USP50: variants seen among roughly 807,000 people sequenced by gnomAD.
USP50 encodes ubiquitin carboxyl-terminal hydrolase 50.
A neutral mutation model predicts 39.2 loss-of-function variants in USP50; 37 were observed. The observed-to-expected ratio is 0.94, with a 90% confidence interval of 0.73 to 1.24. USP50 has a LOEUF of 1.24. Ranked by LOEUF, USP50 falls within the 50% of genes most tolerant of loss-of-function variation. The probability of loss-of-function intolerance (pLI) is 0.00; values close to 1 mark genes in which losing one functional copy is unlikely to be tolerated. For synonymous variants in USP50, 139 were observed against 144.5 expected, an observed-to-expected ratio of 0.96 and a Z score of 0.27; for missense variants, 374 against 398.2, an observed-to-expected ratio of 0.94 and a Z score of 0.52.
chr15:50,523,174 G>GTTT (rs1566906899), intron 6 of USP50, among the ~76,000 whole-genome samples: 2 of 83,964 alleles, frequency 2.4e-5, no homozygotes, highest in African/African-American at 4.2e-5. Flanking sequence ...AAAATCAGTA[G>GTTT]CTTTTTTTTT....
intron 6 of USP50, among the ~76,000 whole-genome samples, chr15:50,515,964 C>G (rs533048918): frequency 6.6e-6 from 1 of 151,986 alleles, no homozygotes; most frequent in Admixed American, 6.6e-5. Flanking sequence ...CTAAAGCTAA[C>G]GTATCAATCA....
intron 6 of USP50, chr15:50,508,212 T>C (rs1160052315): frequency 6.6e-6 from 1 of 152,046 alleles, no homozygotes; most frequent in African/African-American, 2.4e-5. Context: ...CTAAGTAACT[T>C]TATAAATAAA....
At chr15:50,542,481 A>ATTTTTTTT (rs11292495) in intron 3 of USP50, among the ~76,000 whole-genome samples, 10 of 97,394 alleles carry the variant, frequency 1.0e-4, no homozygotes, top group East Asian at 3.1e-4. Flanking sequence ...TTTCCTTTTC[A>ATTTTTTTT]TTTTTTTTTT....
At chr15:50,522,519 G>T (rs1249453601) in intron 6 of USP50, among the ~76,000 whole-genome samples, 1 of 152,088 alleles carries the variant, frequency 6.6e-6, no homozygotes, top group East Asian at 1.9e-4. Context: ...GAACCAGAGA[G>T]AATTTTATGA....
At position 50,539,260 on chromosome 15, in the gene USP50, C is replaced by T. The variant is rs114317088; in HGVS notation, c.661-409G>A. Among the ~76,000 whole-genome samples, 704 of 151,436 alleles carry T rather than the reference C, an allele frequency of 4.6e-3. 4 individuals are homozygous for T. Among genetic ancestry groups the T allele is most frequent in the African/African-American group, 0.017 (684 of 41,284 alleles). On this transcript the variant is annotated intron_variant, in intron 4 of 6. Transcript: ENST00000532404. ...AGGAGCTGGGATTACAAGTGCGCACCACCAAGCCCAGCTAATCTTTATATT... is the reference window on the plus strand; with the variant it reads ...AGGAGCTGGGATTACAAGTGCGCACTACCAAGCCCAGCTAATCTTTATATT...
intron 3 of USP50, among the ~76,000 whole-genome samples, chr15:50,542,272 C>T (rs963371077): frequency 6.6e-6 from 1 of 152,020 alleles, no homozygotes; most frequent in Non-Finnish European, 1.5e-5. Flanking sequence ...TCCATTTTTG[C>T]TTGCTCCTTT....
In USP50 at chr15:50,544,940, T is replaced by C. The variant is rs543359629; in HGVS notation, c.54-159A>G. ...GGACAGGAAGTATTGGAACTTGGAG[T>C]CTAAAATTGTATTATGGCAGAGCAT... On this transcript the variant is annotated intron_variant, in intron 1 of 6. Transcript: ENST00000532404. Among the ~76,000 whole-genome samples, 11 of 152,046 alleles carry C rather than the reference T, an allele frequency of 7.2e-5. No homozygotes were observed. In the South Asian group the frequency reaches 1.7e-3, roughly 23 times the overall value.
chr15:50,517,167 A>T (rs1754065729), intron 6 of USP50, among the ~76,000 whole-genome samples: 1 of 152,210 alleles, frequency 6.6e-6, no homozygotes, highest in Non-Finnish European at 1.5e-5. Flanking sequence ...TCATACAATA[A>T]GACTTTAAAA....
chr15:50,524,153 C>A (rs190277493), intron 6 of USP50, among the ~76,000 whole-genome samples: 1 of 152,304 alleles, frequency 6.6e-6, no homozygotes, highest in Non-Finnish European at 1.5e-5. Context: ...CAATATAAGA[C>A]CTGAAACTAT....
At chr15:50,517,703 C>A (rs1015468520) in intron 6 of USP50, among the ~76,000 whole-genome samples, 3 of 152,122 alleles carry the variant, frequency 2.0e-5, no homozygotes, top group African/African-American at 7.2e-5. Context: ...TCATGATATG[C>A]AGCAAAAGCA....
At chr15:50,532,172 C>G (rs1183761138) in intron 5 of USP50, 1 of 456,144 alleles carries the variant, frequency 2.2e-6, no homozygotes, top group Non-Finnish European at 4.4e-6. Flanking sequence ...AATTTTCCTT[C>G]CAGGAGCCCA....
downstream of USP50, chr15:50,498,389 C>A (rs1219303525): frequency 3.5e-6 from 2 of 567,858 alleles, no homozygotes; most frequent in African/African-American, 3.8e-5. Flanking sequence ...TTAGGCACAT[C>A]ATTAAATATC....
intron 6 of USP50, among the ~76,000 whole-genome samples, chr15:50,515,403 G>A (rs930796416): frequency 4.0e-5 from 6 of 151,864 alleles, no homozygotes; most frequent in African/African-American, 9.7e-5. Context: ...CACCACGCCC[G>A]GCTAATTTTT....
chr15:50,521,963 CA>C lies in USP50; in HGVS notation c.936+7833del, dbSNP rs1307046138. ...TGGGCAATAGAACGAGACTCCATCT[CA>C]AAAAACAGCAGAAACAAAAGAGGAC... On this transcript the variant is annotated intron_variant, in intron 6 of 6. Coordinates refer to ENST00000532404, the MANE Select transcript of USP50 (RefSeq NM_203494.5). Among the ~76,000 whole-genome samples the C allele has an allele frequency of 2.6e-5, 4 of 152,080 alleles. No homozygotes were observed. The East Asian group carries it at 7.7e-4, about 29-fold the overall frequency.
intron 6 of USP50, among the ~76,000 whole-genome samples, chr15:50,516,666 T>A (rs921063277): frequency 8.6e-5 from 13 of 151,600 alleles, no homozygotes. Context: ...CGAGAGGCAG[T>A]AGGGATACAT....
chr15:50,543,570 C>G (rs915208719), intron 3 of USP50, 28 bp downstream of exon 3: 4 of 1,588,474 alleles, frequency 2.5e-6, no homozygotes, highest in Non-Finnish European at 3.4e-6. Flanking sequence ...CAGGACTATC[C>G]TATTTCAAGG....
chr15:50,525,421 G>A (rs1352803758), intron 6 of USP50, among the ~76,000 whole-genome samples: 1 of 151,594 alleles, frequency 6.6e-6, no homozygotes, highest in Non-Finnish European at 1.5e-5. Flanking sequence ...CAAAAAATAA[G>A]TGAGGTGAGG....
downstream of USP50, chr15:50,493,747 CA>C: frequency 4.9e-6 from 2 of 407,192 alleles, no homozygotes; most frequent in Admixed American, 3.5e-5. Flanking sequence ...GACCCTATCT[CA>C]AAAAAGAGTA....
rs923864707 is a variant in USP50, at chr15:50,543,910, C to A, written c.249-117G>T. ...GAACGTGGTGTCTCATGCCTGTAAC[C>A]CCAGCACTTTGGGAGGCCAATGCAG... On this transcript the variant is annotated intron_variant, in intron 2 of 6. Transcript: ENST00000532404. The A allele has an allele frequency of 1.6e-5, 16 of 1,024,324 alleles. 1 individual carries two copies. In the Admixed American group the frequency reaches 2.3e-4, roughly 15 times the overall value. The allele number at this position is 1,024,324 out of a possible 1,614,324, so 63.5% of individuals were successfully genotyped here. A position where few individuals can be genotyped will look rare whatever the true frequency, so the allele number is the denominator to read the frequency against.
Sources: allele counts gnomAD v4.1 joint callset (sites outside exome capture counted in the v4.1 genomes callset), GRCh38; gene constraint gnomAD v4.1.1; transcripts MANE v1.5; gene names NCBI Gene and HGNC (gene_info 2026-07-23, HGNC 2026-07-21).